The following WWOX variants were observed in gnomAD, a reference collection of about 807,000 sequenced individuals.
The protein encoded by WWOX is WW domain-containing oxidoreductase.
Under a neutral mutation model 46.2 loss-of-function variants are expected in WWOX, and 69 were observed. That is an observed-to-expected ratio of 1.49 (90% CI 1.23 to 1.82). The LOEUF (loss-of-function observed/expected upper bound fraction) is 1.82, where lower values mean the gene tolerates loss of function less well. Among genes scored for constraint, WWOX ranks in the 40% most tolerant of loss-of-function variants. The probability of loss-of-function intolerance (pLI) is 0.00; values close to 1 mark genes in which losing one functional copy is unlikely to be tolerated. For synonymous variants in WWOX, 359 were observed against 202.6 expected, an observed-to-expected ratio of 1.77 and a Z score of -6.56; for missense variants, 919 against 542.6, an observed-to-expected ratio of 1.69 and a Z score of -6.89.
At chr16:78,944,215 T>G (rs994729816) in intron 8 of WWOX, among the ~76,000 whole-genome samples, 2 of 152,082 alleles carry the variant, frequency 1.3e-5, no homozygotes, top group African/African-American at 4.8e-5. Context: ...TAATCTCTTC[T>G]ACCCTCCCTT....
intron 6 of WWOX, among the ~76,000 whole-genome samples, chr16:78,393,377 G>T (rs535503685): frequency 2.0e-5 from 3 of 152,298 alleles, no homozygotes; most frequent in Middle Eastern, 3.4e-3. Context: ...ATGGTTTATG[G>T]CTGGGCGCAA....
intron 8 of WWOX, among the ~76,000 whole-genome samples, chr16:78,575,047 AT>A (rs1567655101): frequency 4.2e-3 from 37 of 8,722 alleles, no homozygotes; most frequent in Non-Finnish European, 6.9e-3. Context: ...ATATATATAT[AT>A]ATATATATAT....
intron 5 of WWOX, among the ~76,000 whole-genome samples, chr16:78,307,713 C>A (rs1248108353): frequency 6.6e-6 from 1 of 152,176 alleles, no homozygotes; most frequent in Non-Finnish European, 1.5e-5. Flanking sequence ...GAAACTCATA[C>A]AAGTATGAAT....
At position 78,266,565 on chromosome 16, in the gene WWOX, G is replaced by T. The variant is rs560427775; in HGVS notation, c.516+102276G>T. Among the ~76,000 whole-genome samples the T allele has an allele frequency of 1.4e-4, 21 of 152,274 alleles. No homozygotes were observed. In the South Asian group the frequency reaches 3.3e-3, roughly 24 times the overall value. On this transcript the variant is annotated intron_variant, in intron 5 of 8. Transcript: ENST00000566780. Reference sequence around the variant, plus strand: ...GTGACCATAAGACTCTCTGGAACTAGCCTGCTTGAGTCTAGTCTTGGCTCT... The same window carrying T: ...GTGACCATAAGACTCTCTGGAACTATCCTGCTTGAGTCTAGTCTTGGCTCT...
chr16:78,991,203 G>T (rs1567465469), intron 8 of WWOX, among the ~76,000 whole-genome samples: 1 of 152,184 alleles, frequency 6.6e-6, no homozygotes, highest in Admixed American at 6.5e-5. Flanking sequence ...TCTCACCACT[G>T]TGCTTAGGAG....
intron 8 of WWOX, among the ~76,000 whole-genome samples, chr16:79,032,091 T>C (rs1468373446): frequency 2.1e-5 from 3 of 144,572 alleles, no homozygotes; most frequent in Admixed American, 1.4e-4. Flanking sequence ...AAAATATATA[T>C]TATGTATAGA....
chr16:78,608,771 C>T (rs1250886850), intron 8 of WWOX, among the ~76,000 whole-genome samples: 1 of 152,120 alleles, frequency 6.6e-6, no homozygotes, highest in African/African-American at 2.4e-5. Context: ...AAGCCGGGGT[C>T]GCCTGCCCTC....
At chr16:78,434,851 T>G (rs2083300657) in intron 8 of WWOX, among the ~76,000 whole-genome samples, 1 of 152,166 alleles carries the variant, frequency 6.6e-6, no homozygotes, top group African/African-American at 2.4e-5. Flanking sequence ...AAACTGTTAT[T>G]CTGTGGCCTG....
intron 8 of WWOX, among the ~76,000 whole-genome samples, chr16:78,998,207 C>T (rs1597255054): frequency 6.6e-6 from 1 of 152,160 alleles, no homozygotes; most frequent in South Asian, 2.1e-4. Context: ...GAAAACTGCA[C>T]CATGAGTAAA....
chr16:78,260,664 T>A (rs1473659130), intron 5 of WWOX, among the ~76,000 whole-genome samples: 1 of 146,750 alleles, frequency 6.8e-6, no homozygotes, highest in Non-Finnish European at 1.5e-5. Context: ...CTATACTCCA[T>A]CTAAAAAAAA....
intron 8 of WWOX, among the ~76,000 whole-genome samples, chr16:78,604,436 G>C (rs1255216455): frequency 6.6e-6 from 1 of 152,154 alleles, no homozygotes; most frequent in Non-Finnish European, 1.5e-5. Flanking sequence ...GAGTGATGCT[G>C]TGAGGGTGAG....
At chr16:78,788,551 A>T (rs2050513414) in intron 8 of WWOX, among the ~76,000 whole-genome samples, 2 of 152,214 alleles carry the variant, frequency 1.3e-5, no homozygotes, top group African/African-American at 4.8e-5. Flanking sequence ...GAAGACAAGG[A>T]GGTTCCTGGA....
chr16:78,597,018 C>A (rs1390787020), intron 8 of WWOX, among the ~76,000 whole-genome samples: 1 of 152,178 alleles, frequency 6.6e-6, no homozygotes, highest in Non-Finnish European at 1.5e-5. Flanking sequence ...AGCATGCGAT[C>A]CCCTCCCAAT....
intron 8 of WWOX, among the ~76,000 whole-genome samples, chr16:78,560,136 C>T (rs1425810166): frequency 6.6e-6 from 1 of 152,076 alleles, no homozygotes; most frequent in East Asian, 1.9e-4. Flanking sequence ...ATATTCTATA[C>T]AAAAAATATG....
At chr16:78,647,741 G>A (rs2046877423) in intron 8 of WWOX, among the ~76,000 whole-genome samples, 1 of 152,188 alleles carries the variant, frequency 6.6e-6, no homozygotes, top group Admixed American at 6.5e-5. Context: ...GGCAGATCCA[G>A]AGATGAAACC....
chr16:79,163,837 GA>G (rs2050537237), intron 8 of WWOX, among the ~76,000 whole-genome samples: 1 of 145,972 alleles, frequency 6.9e-6, no homozygotes, highest in African/African-American at 2.6e-5. Flanking sequence ...AATAAGGTCA[GA>G]GGGGGAAAAG....
chr16:78,632,557 A>ATTTTTTTTT (rs545062752), intron 8 of WWOX, among the ~76,000 whole-genome samples: 3,297 of 74,584 alleles, frequency 0.044, 487 homozygotes, highest in African/African-American at 0.11. Flanking sequence ...TACTTGGCCA[A>ATTTTTTTTT]TTTTTTTTTT....
intron 8 of WWOX, among the ~76,000 whole-genome samples, chr16:78,922,472 G>A (rs989389403): frequency 1.9e-4 from 29 of 151,408 alleles, no homozygotes; most frequent in African/African-American, 4.6e-4. Flanking sequence ...TCTACCTCCC[G>A]GGTTCAAGCG....
intron 5 of WWOX, among the ~76,000 whole-genome samples, chr16:78,337,115 C>T (rs1442901811): frequency 3.9e-5 from 6 of 152,070 alleles, no homozygotes; most frequent in Admixed American, 3.9e-4. Context: ...GCTGGTAACT[C>T]ATAAATTTTT....
Sources: gnomAD v4.1 joint callset for allele counts (sites outside exome capture counted in the v4.1 genomes callset) on GRCh38, gnomAD v4.1.1 for gene constraint, MANE v1.5 for transcripts, NCBI Gene and HGNC (gene_info 2026-07-23, HGNC 2026-07-21) for gene names.